Variants in MBOAT7 observed in about 807,000 individuals in gnomAD.
The protein encoded by MBOAT7 is membrane bound acylglycerophosphatidylinositol O-acyltransferase MBOAT7.
A neutral mutation model predicts 47.4 loss-of-function variants in MBOAT7; 40 were observed. The observed-to-expected ratio is 0.84, with a 90% CI of 0.66 to 1.10. The LOEUF is 1.10. Among genes scored for constraint, MBOAT7 ranks in the 50% least tolerant of loss-of-function variants. MBOAT7 has a pLI of 0.00. For synonymous variants in MBOAT7, 361 were observed against 292.0 expected, an observed-to-expected ratio of 1.24 and a Z score of -2.41; for missense variants, 680 against 655.6, an observed-to-expected ratio of 1.04 and a Z score of -0.41.
intron 7 of MBOAT7, chr19:54,178,533 C>T: frequency 2.1e-6 from 3 of 1,421,152 alleles, no homozygotes; most frequent in Non-Finnish European, 2.7e-6. Context: ...ATTGCTTCTG[C>T]TGAGTGAGGC....
Position 54,174,174 on chromosome 19 carries a change from T to C in MBOAT7, c.1289A>G (p.Tyr430Cys), listed in dbSNP as rs554225371. ...ADTLRYWASI[Y>C]FCIHFLALAA... is the part of the protein sequence containing the mutation. ...CAGGGCCAGGAAGTGGATACAGAAG[T>C]AGATGGAGGCCCAGTACCGAAGGGT... Residue 430 changes from tyrosine (Y) to cysteine (C), a missense_variant, in exon 8 of 8, where the codon TAC becomes TGC. By Grantham distance (194) the Tyr-to-Cys change is radical (BLOSUM62 -2). Coordinates refer to ENST00000245615, the MANE Select transcript of MBOAT7 (RefSeq NM_024298.5). 56 of 1,600,318 alleles carry C rather than the reference T, an allele frequency of 3.5e-5. No individual in the cohort carries two copies. In the Admixed American group the frequency reaches 9.4e-4, roughly 27 times the overall value.
At chr19:54,176,567 T>C (rs2146965766) in intron 7 of MBOAT7, among the ~76,000 whole-genome samples, 1 of 152,244 alleles carries the variant, frequency 6.6e-6, no homozygotes, top group Middle Eastern at 3.4e-3. Flanking sequence ...CTGTGCATTT[T>C]AAGGTGTTTA....
At chr19:54,179,170 C>T in intron 6 of MBOAT7, 1 of 592,486 alleles carries the variant, frequency 1.7e-6, no homozygotes, top group Non-Finnish European at 3.0e-6. Context: ...TGGGGTTCTT[C>T]TTCTTTTGGT....
chr19:54,173,710 A>T lies in MBOAT7; in HGVS notation c.*334T>A. ...CCCAAGCTCCGACCCCACATTGTGG[A>T]TGCAAAGAAAGGGAATTTGCCCAAA... On this transcript the variant is annotated 3_prime_UTR_variant, in exon 8 of 8. Coordinates refer to ENST00000245615, the MANE Select transcript of MBOAT7 (RefSeq NM_024298.5). The T allele has an allele frequency of 3.2e-6, 1 of 316,784 alleles. No homozygotes were observed. The highest frequency in any genetic ancestry group is 5.8e-6 in the Non-Finnish European group (1 of 172,698). 19.6% of individuals were successfully genotyped at this position (316,784 alleles called of 1,614,324 possible).
At chr19:54,175,698 C>T (rs8112480) in intron 7 of MBOAT7, among the ~76,000 whole-genome samples, 40,237 of 152,024 alleles carry the variant, frequency 0.26, 5,976 homozygotes, top group Non-Finnish European at 0.34. Flanking sequence ...TACAGGCAAG[C>T]GCCACCAAAC....
In MBOAT7 at chr19:54,180,909, C is replaced by A. The variant is rs371452356; in HGVS notation, c.718G>T (p.Ala240Ser). ...GCCACGTAGAAGCGCATGCGGAAGG[C>A]GAAGAAGACGGGGATCATGTAGAAG... The part of the protein sequence containing the change: ...RLFYMIPVFF[A>S]FRMRFYVAWI... Residue 240 changes from alanine to serine, a missense_variant, in exon 6 of 8, where the codon GCC (alanine) becomes TCC (serine). Ala to Ser is a moderately conservative substitution (Grantham distance 99, BLOSUM62 1). Transcript: ENST00000245615. The surrounding 1 kb of genome is among the most constrained non-coding windows in gnomAD (Gnocchi z 5.2). The A allele has an allele frequency of 4.0e-5, 64 of 1,597,602 alleles. No homozygotes were observed. In the African/African-American group the frequency reaches 7.8e-4, roughly 19 times the overall value.
At position 54,173,803 on chromosome 19, in the gene MBOAT7, G is replaced by A; in HGVS notation, c.*241C>T. 1 of 471,710 alleles carries A rather than the reference G, an allele frequency of 2.1e-6. No individual in the cohort carries two copies. The highest frequency in any genetic ancestry group is 3.7e-6 in the Non-Finnish European group (1 of 271,680). 29.2% of individuals were successfully genotyped at this position (471,710 alleles called of 1,614,324 possible). On this transcript the variant is annotated 3_prime_UTR_variant, in exon 8 of 8. Coordinates refer to ENST00000245615, the MANE Select transcript of MBOAT7 (RefSeq NM_024298.5). ...GCTCTCTGGATACCCAGAAGCTGGA[G>A]CAGGGGCCAGTGACTCTTGTCTGGA... is the stretch of plus-strand genomic sequence containing the variant.
At position 54,175,980 on chromosome 19, in the gene MBOAT7, A is replaced by C. The variant is rs867309859; in HGVS notation, c.1032-1549T>G. On this transcript the variant is annotated intron_variant, in intron 7 of 7. Transcript: ENST00000245615. ...CCTTGTGATCCACCCGCCGTGGCCTACCAAAGTGCTGGGATTACAGGCGTG... is the reference window on the plus strand; with the variant it reads ...CCTTGTGATCCACCCGCCGTGGCCTCCCAAAGTGCTGGGATTACAGGCGTG... Among the ~76,000 whole-genome samples the C allele has an allele frequency of 6.6e-4, 100 of 151,782 alleles. 1 individual carries two copies. The highest frequency in any genetic ancestry group is 3.9e-3 in the East Asian group (20 of 5,152).
chr19:54,176,926 A>G (rs2076122902), intron 7 of MBOAT7, among the ~76,000 whole-genome samples: 1 of 151,760 alleles, frequency 6.6e-6, no homozygotes, highest in Non-Finnish European at 1.5e-5. Flanking sequence ...TAATAATAAT[A>G]CTTAAAAAAT....
intron 7 of MBOAT7, among the ~76,000 whole-genome samples, chr19:54,175,229 T>A (rs113454931): frequency 2.6e-5 from 4 of 152,108 alleles, no homozygotes; most frequent in Non-Finnish European, 5.9e-5. Context: ...CTGCCCGCCT[T>A]GGCCTCCCAA....
At position 54,187,299 on chromosome 19, in the gene MBOAT7, C is replaced by T. The variant is rs991422265; in HGVS notation, c.207-12G>A. Reference sequence around the variant, plus strand: ...GGGCGTGGCAGGAGCTGGGCAAAAGCAGGAGGCGCACTGTGTTGGGCACAG... The same window carrying T: ...GGGCGTGGCAGGAGCTGGGCAAAAGTAGGAGGCGCACTGTGTTGGGCACAG... On this transcript the variant is annotated splice_polypyrimidine_tract_variant and intron_variant, in intron 3 of 7. Transcript: ENST00000245615. 1.9e-6 allele frequency: 3 copies of T among 1,602,824 alleles called. No individual in the cohort carries two copies. In the Admixed American group the frequency reaches 5.1e-5, roughly 27 times the overall value.
intron 5 of MBOAT7, among the ~76,000 whole-genome samples, chr19:54,181,901 GGGAGGGAAGGAGGGAA>G (rs2076291491): frequency 6.9e-5 from 1 of 14,408 alleles, no homozygotes; most frequent in African/African-American, 3.8e-4. Flanking sequence ...GAAGGAGGGA[GGGAGGGAAGGAGGGAA>G]GGAGGGAGGG....
intron 7 of MBOAT7, among the ~76,000 whole-genome samples, chr19:54,175,128 A>C (rs576047840): frequency 2.0e-5 from 3 of 152,144 alleles, no homozygotes; most frequent in South Asian, 2.1e-4. Flanking sequence ...GGCGCCTGCC[A>C]CCACGCCCGG....
At chr19:54,177,746 T>C (rs2076147817) in intron 7 of MBOAT7, among the ~76,000 whole-genome samples, 2 of 150,596 alleles carry the variant, frequency 1.3e-5, no homozygotes, top group East Asian at 2.0e-4. Context: ...CTAGCTAATT[T>C]TTTGTATTTT....
At position 54,188,015 on chromosome 19, in the gene MBOAT7, CAGAA is replaced by C. The variant is rs374807150; in HGVS notation, c.206+198_206+201del. 4.1e-3 allele frequency among the ~76,000 whole-genome samples: 324 copies of C among 78,338 alleles called. 5 individuals are homozygous for C. The highest frequency in any genetic ancestry group is 7.2e-3 in the South Asian group (17 of 2,352). 51.4% of individuals were successfully genotyped at this position (78,338 alleles called of 152,430 possible). ...GGGCAACAGGAGCGAAACTCCATCTCAGAAAGAAAGAAAGAAAGAAAGAAAGAAA... is the reference window on the plus strand; with the variant it reads ...GGGCAACAGGAGCGAAACTCCATCTCAGAAAGAAAGAAAGAAAGAAAGAAA... On this transcript the variant is annotated intron_variant, in intron 3 of 7. Transcript: ENST00000245615.
rs1424364728 is a variant in MBOAT7, at chr19:54,180,890, T to G, written c.737A>C (p.Tyr246Ser). The change falls in exon 6 of 8, where the codon TAC becomes TCC. Residue 246 changes from tyrosine (Y) to serine (S), a missense_variant. Coordinates refer to ENST00000245615, the MANE Select transcript of MBOAT7 (RefSeq NM_024298.5). The surrounding 1 kb of genome is among the most constrained non-coding windows in gnomAD (Gnocchi z 5.2). ...GCACTCGGCGGCAATCCAGGCCACGTAGAAGCGCATGCGGAAGGCGAAGAA... is the reference window on the plus strand; with the variant it reads ...GCACTCGGCGGCAATCCAGGCCACGGAGAAGCGCATGCGGAAGGCGAAGAA... ...PVFFAFRMRF[Y>S]VAWIAAECGC... 6.3e-7 allele frequency: 1 copy of G among 1,596,140 alleles called. No homozygotes were observed. The highest frequency in any genetic ancestry group is 1.1e-5 in the South Asian group (1 of 88,554).
At chr19:54,187,959 G>A (rs2076476632) in intron 3 of MBOAT7, among the ~76,000 whole-genome samples, 1 of 148,158 alleles carries the variant, frequency 6.7e-6, no homozygotes, top group South Asian at 2.1e-4. Flanking sequence ...AGGTTGCAGT[G>A]AGCCAAGATC....
rs753507465 is a variant in MBOAT7, at chr19:54,178,922, A to C, written c.874T>G (p.Leu292Val). Residue 292 changes from leucine to valine, a missense_variant, in exon 7 of 8, where the codon TTG (leucine) becomes GTG (valine). By Grantham distance (32) the Leu-to-Val change is conservative. Transcript: ENST00000245615. Reference sequence around the variant, plus strand: ...CGGATGGTCTCATAGTCATACTCCAAGGAAGCCGCCTTCTCCGGACTGGGG... The same window carrying C: ...CGGATGGTCTCATAGTCATACTCCACGGAAGCCGCCTTCTCCGGACTGGGG... The part of the protein sequence containing the change: ...PPSSPEKAAS[L>V]EYDYETIRNI... The C allele has an allele frequency of 6.2e-7, 1 of 1,613,064 alleles. No individual in the cohort carries two copies. Among genetic ancestry groups the C allele is most frequent in the Non-Finnish European group, 8.5e-7 (1 of 1,179,912 alleles).
chr19:54,188,379 C>T, intron 2 of MBOAT7, 33 bp from the exon 3 acceptor site: 13 of 1,604,768 alleles, frequency 8.1e-6, no homozygotes, highest in Non-Finnish European at 1.1e-5. Flanking sequence ...AAGCCTGGAA[C>T]CTTCCAGAGG....
Sources: gnomAD v4.1 joint callset for allele counts (sites outside exome capture counted in the v4.1 genomes callset) on GRCh38, gnomAD v4.1.1 for gene constraint, Gnocchi (gnomAD v3.1) non-coding constraint, MANE v1.5 for transcripts, NCBI Gene and HGNC (gene_info 2026-07-23, HGNC 2026-07-21) for gene names.